CDH13: variants seen among roughly 807,000 people sequenced by gnomAD.
CDH13 encodes the protein cadherin 13.
CDH13 carries 24 observed loss-of-function variants against 63.8 expected under a neutral mutation model. The observed-to-expected ratio is 0.38, with a 90% CI of 0.27 to 0.53. The LOEUF (loss-of-function observed/expected upper bound fraction) is 0.53, where lower values mean the gene tolerates loss of function less well. Among genes scored for constraint, CDH13 ranks in the 20% least tolerant of loss-of-function variants. The pLI is 0.85. For missense variants in CDH13, 1,049 were observed against 903.1 expected (o/e 1.16, Z -2.07); for synonymous variants, 503 against 355.3 (o/e 1.42, Z -4.67).
At chr16:82,667,751 C>G (rs1298234569) in intron 1 of CDH13, among the ~76,000 whole-genome samples, 1 of 152,056 alleles carries the variant, frequency 6.6e-6, no homozygotes, top group Non-Finnish European at 1.5e-5. Flanking sequence ...CCGCCTCTCC[C>G]CTTCTGAGCC....
intron 3 of CDH13, among the ~76,000 whole-genome samples, chr16:83,056,115 C>T (rs951043847): frequency 6.6e-6 from 1 of 152,106 alleles, no homozygotes; most frequent in African/African-American, 2.4e-5. Flanking sequence ...TTTAGCATCA[C>T]TAGTCATCAA....
intron 2 of CDH13, among the ~76,000 whole-genome samples, chr16:82,863,928 G>A (rs1252011430): frequency 1.3e-5 from 2 of 152,090 alleles, no homozygotes; most frequent in African/African-American, 2.4e-5. Flanking sequence ...TTTTTTAAAA[G>A]TAAGTAAATG....
chr16:83,112,319 T>C (rs1205523409), intron 3 of CDH13, among the ~76,000 whole-genome samples: 2 of 152,174 alleles, frequency 1.3e-5, no homozygotes, highest in Non-Finnish European at 2.9e-5. Flanking sequence ...CATTCAGAGA[T>C]CCAGGCTCCA....
intron 7 of CDH13, among the ~76,000 whole-genome samples, chr16:83,513,115 C>T (rs770082258): frequency 3.9e-5 from 6 of 151,908 alleles, no homozygotes; most frequent in East Asian, 1.9e-4. Flanking sequence ...GAATTGTCTT[C>T]GAGCCTATAA....
At chr16:82,683,291 C>G (rs1914742401) in intron 1 of CDH13, among the ~76,000 whole-genome samples, 1 of 152,150 alleles carries the variant, frequency 6.6e-6, no homozygotes, top group South Asian at 2.1e-4. Context: ...CTGGTCTAAC[C>G]TTTCTAGCTT....
At chr16:82,795,493 G>C (rs577438965) in intron 1 of CDH13, among the ~76,000 whole-genome samples, 2 of 152,118 alleles carry the variant, frequency 1.3e-5, no homozygotes, top group Admixed American at 1.3e-4. Flanking sequence ...TTCAAGGCTC[G>C]TTACCATGCC....
At chr16:83,088,230 G>A (rs1212546185) in intron 3 of CDH13, among the ~76,000 whole-genome samples, 1 of 152,176 alleles carries the variant, frequency 6.6e-6, no homozygotes, top group African/African-American at 2.4e-5. Flanking sequence ...ACTCTGACAT[G>A]TTATTTCCTT....
intron 3 of CDH13, among the ~76,000 whole-genome samples, chr16:83,070,807 A>C (rs2032373809): frequency 6.6e-6 from 1 of 151,876 alleles, no homozygotes; most frequent in Admixed American, 6.6e-5. Flanking sequence ...TGTCTTAAGC[A>C]ATAGTATATA....
At chr16:83,602,069 T>G (rs1907851265) in intron 7 of CDH13, among the ~76,000 whole-genome samples, 1 of 104,768 alleles carries the variant, frequency 9.5e-6, no homozygotes, top group African/African-American at 3.9e-5. Flanking sequence ...CTCTAGAGAG[T>G]GAGACTCTGT....
Position 83,658,055 on chromosome 16 carries a change from TATCCTCACCACCAGGTG to T in CDH13, c.1102-12734_1102-12718del, listed in dbSNP as rs1567490233. Among the ~76,000 whole-genome samples the T allele has an allele frequency of 2.5e-3, 224 of 89,496 alleles. 3 individuals carry two copies. The highest frequency in any genetic ancestry group is 8.8e-3 in the African/African-American group (217 of 24,578). The allele number at this position is 89,496 out of a possible 152,430, so 58.7% of individuals were successfully genotyped here. A position where few individuals can be genotyped will look rare whatever the true frequency, so the allele number is the denominator to read the frequency against. On this transcript the variant is annotated intron_variant, in intron 8 of 13. Coordinates refer to ENST00000567109, the MANE Select transcript of CDH13 (RefSeq NM_001257.5). ...CCATGTCCTCACCAGCAAGGTCCCA[TATCCTCACCACCAGGTG>T]CCATGTCCTCACCAGCAAGGTCCCA...
intron 4 of CDH13, among the ~76,000 whole-genome samples, chr16:83,175,546 G>T (rs1404457702): frequency 6.6e-6 from 1 of 152,092 alleles, no homozygotes; most frequent in Non-Finnish European, 1.5e-5. Flanking sequence ...CCTCCAGTTT[G>T]CTTTGGGTGA....
At chr16:82,781,453 C>T (rs566654119) in intron 1 of CDH13, among the ~76,000 whole-genome samples, 1 of 152,164 alleles carries the variant, frequency 6.6e-6, no homozygotes, top group East Asian at 1.9e-4. Flanking sequence ...AGGTCATTCT[C>T]CATCCATTTG....
intron 5 of CDH13, among the ~76,000 whole-genome samples, chr16:83,231,430 T>C (rs550975325): frequency 2.0e-5 from 3 of 152,256 alleles, no homozygotes; most frequent in East Asian, 3.9e-4. Flanking sequence ...GTGAGGAGAA[T>C]TGCACGTTAA....
chr16:83,476,860 G>A (rs9921164), intron 6 of CDH13, among the ~76,000 whole-genome samples: 20,688 of 152,130 alleles, frequency 0.14, 1,537 homozygotes, highest in African/African-American at 0.17. Flanking sequence ...ATTTTTTGAA[G>A]TGTTTTCAGG....
chr16:83,276,686 C>T (rs949195361), intron 5 of CDH13, among the ~76,000 whole-genome samples: 16 of 152,074 alleles, frequency 1.1e-4, no homozygotes, highest in Admixed American at 5.2e-4. Flanking sequence ...CTGGCTAACA[C>T]GGTGAAACCC....
intron 6 of CDH13, among the ~76,000 whole-genome samples, chr16:83,482,762 G>T (rs1231677177): frequency 6.6e-6 from 1 of 152,188 alleles, no homozygotes; most frequent in Non-Finnish European, 1.5e-5. Flanking sequence ...GTGCACGTGT[G>T]TGTGTGTTGT....
At chr16:83,171,545 C>A in intron 4 of CDH13, 1 of 1,534,460 alleles carries the variant, frequency 6.5e-7, no homozygotes, top group Non-Finnish European at 8.7e-7. Flanking sequence ...AAGTTCTGTG[C>A]CTAGCACGAT....
chr16:83,402,865 A>G (rs1244625933), intron 6 of CDH13, among the ~76,000 whole-genome samples: 1 of 152,208 alleles, frequency 6.6e-6, no homozygotes, highest in African/African-American at 2.4e-5. Context: ...TATTAAACTT[A>G]GATACGTCCC....
chr16:83,566,136 G>A (rs1434364917), intron 7 of CDH13, among the ~76,000 whole-genome samples: 1 of 152,036 alleles, frequency 6.6e-6, no homozygotes, highest in African/African-American at 2.4e-5. Flanking sequence ...GCTCTAAATT[G>A]GCCTGACAGT....
Sources: gnomAD v4.1 joint callset for allele counts (sites outside exome capture counted in the v4.1 genomes callset) on GRCh38, gnomAD v4.1.1 for gene constraint, MANE v1.5 for transcripts, NCBI Gene and HGNC (gene_info 2026-07-23, HGNC 2026-07-21) for gene names.